Variants in INAVA observed in about 807,000 individuals in gnomAD.
INAVA encodes innate immunity activator.
Under a neutral mutation model 55.3 loss-of-function variants are expected in INAVA, and 32 were observed. The ratio of observed to expected loss-of-function variants is 0.58; its 90% confidence interval spans 0.44 to 0.78. INAVA has a LOEUF of 0.78. Among genes scored for constraint, INAVA ranks in the 30% least tolerant of loss-of-function variants. The probability of loss-of-function intolerance (pLI) is 0.00; values close to 1 mark genes in which losing one functional copy is unlikely to be tolerated. For missense variants in INAVA, 756 were observed against 786.4 expected (o/e 0.96, Z 0.46); for synonymous variants, 294 against 329.4 (o/e 0.89, Z 1.16).
At position 200,898,364 on chromosome 1, in the gene INAVA, C is replaced by A. The variant is rs2271018; in HGVS notation, c.-37C>A. 2.5e-5 allele frequency: 40 copies of A among 1,613,932 alleles called. No homozygotes were observed. In the East Asian group the frequency reaches 6.9e-4, roughly 28 times the overall value. ...GCCCAGGCTGGTCACGGTGTCCCCCCTCCCTGCTCTGTGCCCTCTCCTTCC... is the reference window on the plus strand; with the variant it reads ...GCCCAGGCTGGTCACGGTGTCCCCCATCCCTGCTCTGTGCCCTCTCCTTCC... On this transcript the variant is annotated 5_prime_UTR_variant, in exon 2 of 10. Transcript: ENST00000413687.
At position 200,895,922 on chromosome 1, in the gene INAVA, G is replaced by A. The variant is rs531248472; in HGVS notation, c.-95+835G>A. ...CAGCCAGGGGCTCTGGGCATCTGAC[G>A]CTGTTCTCTTTGCTCTACTTGGGGC... On this transcript the variant is annotated intron_variant, in intron 1 of 9. Coordinates refer to ENST00000413687, the MANE Select transcript of INAVA (RefSeq NM_001142569.3). Among the ~76,000 whole-genome samples the A allele has an allele frequency of 4.2e-4, 64 of 152,254 alleles. No individual in the cohort carries two copies. The South Asian group carries it at 9.5e-3, about 23-fold the overall frequency.
rs888846117 is a variant in INAVA at position 200,901,157 on chromosome 1, G to A, written c.518G>A (p.Arg173Gln). The A allele has an allele frequency of 1.5e-5, 22 of 1,507,126 alleles. No homozygotes were observed. Among genetic ancestry groups the A allele is most frequent in the South Asian group, 9.9e-5 (8 of 81,174 alleles). 93.4% of individuals were successfully genotyped at this position (1,507,126 alleles called of 1,614,324 possible). ...CCGGCTGCTGCTCTCCCCCTGGGCCGAGGTGAGCCGGCTGCCCTGAGGGGG... is the reference window on the plus strand; with the variant it reads ...CCGGCTGCTGCTCTCCCCCTGGGCCAAGGTGAGCCGGCTGCCCTGAGGGGG... ...PPPAAALPLG[R>Q]ELSASDDSSL... The change falls in exon 5 of 10, where the codon CGA (arginine) becomes CAA (glutamine). Residue 173 changes from arginine (R) to glutamine (Q), a missense_variant and splice_region_variant. Coordinates refer to ENST00000413687, the MANE Select transcript of INAVA (RefSeq NM_001142569.3).
chr1:200,909,860 C>T (rs1653645112), intron 8 of INAVA, among the ~76,000 whole-genome samples: 1 of 152,176 alleles, frequency 6.6e-6, no homozygotes, highest in Non-Finnish European at 1.5e-5. Flanking sequence ...AGCCTTTGGT[C>T]ACGACATTTT....
At position 200,895,782 on chromosome 1, in the gene INAVA, A is replaced by G. The variant is rs1467782677; in HGVS notation, c.-95+695A>G. ...GTCGAGATTCAGACCGGGGACCTGG[A>G]AAGGCTTTAGACACTGTGCAGTCTT... is the stretch of plus-strand genomic sequence containing the variant. On this transcript the variant is annotated intron_variant, in intron 1 of 9. Transcript: ENST00000413687. Among the ~76,000 whole-genome samples the G allele has an allele frequency of 2.0e-5, 3 of 152,154 alleles. No homozygotes were observed. The East Asian group carries it at 5.8e-4, about 29-fold the overall frequency.
intron 5 of INAVA, among the ~76,000 whole-genome samples, chr1:200,904,061 A>C (rs1017488206): frequency 1.3e-5 from 2 of 151,664 alleles, no homozygotes; most frequent in Admixed American, 6.6e-5. Flanking sequence ...TTGATCAACA[A>C]CACCAGCCAT....
intron 2 of INAVA, among the ~76,000 whole-genome samples, 167 bp from the exon 3 acceptor site, chr1:200,899,306 G>A (rs964148735): frequency 3.3e-5 from 5 of 152,134 alleles, no homozygotes; most frequent in African/African-American, 1.2e-4. Flanking sequence ...GTGTTTTGTG[G>A]CTGTGACACA....
At chr1:200,895,619 G>A (rs1668330402) in intron 1 of INAVA, among the ~76,000 whole-genome samples, 1 of 152,126 alleles carries the variant, frequency 6.6e-6, no homozygotes, top group African/African-American at 2.4e-5. Flanking sequence ...TCCTGGGTGG[G>A]GGTGGTGCCC....
At chr1:200,913,283 C>A (rs1653822642) in intron 9 of INAVA, among the ~76,000 whole-genome samples, 2 of 152,156 alleles carry the variant, frequency 1.3e-5, no homozygotes, top group Non-Finnish European at 2.9e-5. Flanking sequence ...AGAAGTGAGC[C>A]CAGGAAAGGT....
At position 200,911,436 on chromosome 1, in the gene INAVA, T is replaced by C; in HGVS notation, c.960-17T>C. ...TTCTGCCCCCCACACTCAGAATGCCTCTCTTTCCCTCTTCAGGGTGGATTC... is the reference window on the plus strand; with the variant it reads ...TTCTGCCCCCCACACTCAGAATGCCCCTCTTTCCCTCTTCAGGGTGGATTC... On this transcript the variant is annotated splice_polypyrimidine_tract_variant and intron_variant, in intron 8 of 9. Transcript: ENST00000413687. 1.3e-6 allele frequency: 2 copies of C among 1,597,668 alleles called. No individual in the cohort carries two copies. Among genetic ancestry groups the C allele is most frequent in the Non-Finnish European group, 1.7e-6 (2 of 1,168,556 alleles).
chr1:200,904,847 C>T (rs374322809), intron 5 of INAVA, among the ~76,000 whole-genome samples: 94 of 152,142 alleles, frequency 6.2e-4, no homozygotes, highest in Non-Finnish European at 1.1e-3. Flanking sequence ...ATCTTCCTTC[C>T]TCAGCCTCTA....
chr1:200,909,422 A>G, intron 8 of INAVA, 25 bp downstream of exon 8: 1 of 1,541,236 alleles, frequency 6.5e-7, no homozygotes, highest in African/African-American at 1.4e-5. Context: ...CCCCAGAGAG[A>G]TGGGGGACCC....
chr1:200,908,817 C>T lies in INAVA; in HGVS notation c.662C>T (p.Pro221Leu). The change falls in exon 7 of 10, where the codon CCA becomes CTA. Residue 221 changes from proline to leucine, a missense_variant. Around this residue, in one of 2 missense-constraint regions of INAVA, gnomAD observed 639 missense variants for 624.3 expected, o/e 1.02. Coordinates refer to ENST00000413687, the MANE Select transcript of INAVA (RefSeq NM_001142569.3). ...LPPQTLEGLQ[P>L]TGPEAGSPER... is the part of the protein sequence containing the mutation. ...CCCCAAACCCTTGAGGGTCTGCAGC[C>T]AACAGGACCTGAGGCTGGGAGCCCA... 6.2e-7 allele frequency: 1 copy of T among 1,613,994 alleles called. No homozygotes were observed. The highest frequency in any genetic ancestry group is 8.5e-7 in the Non-Finnish European group (1 of 1,179,938).
At chr1:200,892,498 T>C (rs541089768), upstream of INAVA, among the ~76,000 whole-genome samples, 3 of 152,356 alleles carry the variant, frequency 2.0e-5, no homozygotes, top group East Asian at 3.9e-4. Context: ...ACGAAAACAC[T>C]GAAGAGGTCC....
At chr1:200,894,098 G>T (rs925617215), upstream of INAVA, among the ~76,000 whole-genome samples, 17 of 152,148 alleles carry the variant, frequency 1.1e-4, no homozygotes, top group African/African-American at 3.6e-4. Context: ...CGGTGGGATG[G>T]GAGATCTTGA....
rs141860492 is a variant in INAVA at position 200,905,258 on chromosome 1, G to A, written c.521-2576G>A. ...GGTAAAGATTTTTTCATTAAATTGC[G>A]GAGCAGGCTGAGCATGTTGGCTCAA... On this transcript the variant is annotated intron_variant, in intron 5 of 9. Coordinates refer to ENST00000413687, the MANE Select transcript of INAVA (RefSeq NM_001142569.3). 2.0e-4 allele frequency among the ~76,000 whole-genome samples: 31 copies of A among 152,206 alleles called. No individual in the cohort carries two copies. In the South Asian group the frequency reaches 3.5e-3, roughly 17 times the overall value.
chr1:200,907,151 T>C (rs1196773112), intron 5 of INAVA, among the ~76,000 whole-genome samples: 1 of 152,126 alleles, frequency 6.6e-6, no homozygotes, highest in African/African-American at 2.4e-5. Context: ...CCTAAGGGCC[T>C]TCCAAAATGA....
At chr1:200,893,501 C>T (rs1668275813), upstream of INAVA, among the ~76,000 whole-genome samples, 1 of 152,120 alleles carries the variant, frequency 6.6e-6, no homozygotes, top group Non-Finnish European at 1.5e-5. Context: ...AAGAAAGTGC[C>T]AAGCCTCTAT....
At position 200,913,847 on chromosome 1, in the gene INAVA, G is replaced by A; in HGVS notation, c.*218G>A. 6 of 540,000 alleles carry A rather than the reference G, an allele frequency of 1.1e-5. No homozygotes were observed. The highest frequency in any genetic ancestry group is 2.0e-5 in the Non-Finnish European group (6 of 303,850). The allele number at this position is 540,000 out of a possible 1,614,324, so 33.5% of individuals were successfully genotyped here. ...CTCAATACCCCTGTGATATGATTAT[G>A]TTTTATCCCCCAGAGTTTGGCCTAC... On this transcript the variant is annotated 3_prime_UTR_variant, in exon 10 of 10. Coordinates refer to ENST00000413687, the MANE Select transcript of INAVA (RefSeq NM_001142569.3).
At chr1:200,898,989 T>A (rs1471136344) in intron 2 of INAVA, among the ~76,000 whole-genome samples, 3 of 152,160 alleles carry the variant, frequency 2.0e-5, no homozygotes, top group Non-Finnish European at 4.4e-5. Context: ...AAAAAAAATA[T>A]ATCATCTGGC....
Sources: allele counts gnomAD v4.1 joint callset (sites outside exome capture counted in the v4.1 genomes callset), GRCh38; gene constraint gnomAD v4.1.1; regional missense constraint gnomAD v4.1.1; transcripts MANE v1.5; gene names NCBI Gene and HGNC (gene_info 2026-07-23, HGNC 2026-07-21).